The following CLYBL variants were observed in gnomAD, a reference collection of about 807,000 sequenced individuals.
CLYBL encodes citramalyl-CoA lyase, also known as citramalyl-CoA lyase, mitochondrial.
Under a neutral mutation model 38.9 loss-of-function variants are expected in CLYBL, and 31 were observed. The observed-to-expected ratio is 0.80, with a 90% CI of 0.60 to 1.08. The LOEUF (loss-of-function observed/expected upper bound fraction) is 1.08, where lower values mean the gene tolerates loss of function less well. CLYBL is among the 50% of genes least tolerant of loss of function. CLYBL has a pLI of 0.00. For synonymous variants in CLYBL, 171 were observed against 158.6 expected (o/e 1.08, Z -0.59); for missense variants, 434 against 411.6 (o/e 1.05, Z -0.47).
At position 99,628,635 on chromosome 13, in the gene CLYBL, A is replaced by G. The variant is rs150812612; in HGVS notation, c.62+21878A>G. 2.4e-3 allele frequency among the ~76,000 whole-genome samples: 369 copies of G among 152,366 alleles called. 3 individuals are homozygous for G. Among genetic ancestry groups the G allele is most frequent in the African/African-American group, 8.4e-3 (351 of 41,592 alleles). On this transcript the variant is annotated intron_variant, in intron 1 of 8. Coordinates refer to ENST00000339105, the MANE Select transcript of CLYBL (RefSeq NM_206808.5). ...TTTAAGACACTGGAAGGTGTCATTT[A>G]TAAGCATAGAGAGCCTGCAGGAAGG...
At chr13:99,882,633 C>T (rs1188406411) in intron 7 of CLYBL, among the ~76,000 whole-genome samples, 1 of 151,588 alleles carries the variant, frequency 6.6e-6, no homozygotes, top group Non-Finnish European at 1.5e-5. Context: ...CATTGCACTC[C>T]AGCCTGGGAG....
intron 1 of CLYBL, chr13:99,643,038 T>TG (rs1211888233): frequency 6.5e-6 from 1 of 153,820 alleles, no homozygotes; most frequent in Non-Finnish European, 1.5e-5. Flanking sequence ...ACTTTACTCA[T>TG]GGGCTCATAG....
chr13:99,818,577 C>G (rs2050509484), intron 2 of CLYBL, among the ~76,000 whole-genome samples: 1 of 152,104 alleles, frequency 6.6e-6, no homozygotes, highest in African/African-American at 2.4e-5. Context: ...TGGGGTTTCT[C>G]TGTTACAACA....
rs9582349 is a variant in CLYBL at position 99,837,030 on chromosome 13, A to G, written c.250-21831A>G. 6.5e-3 allele frequency among the ~76,000 whole-genome samples: 983 copies of G among 152,148 alleles called. 7 individuals are homozygous for G. The highest frequency in any genetic ancestry group is 0.01 in the Non-Finnish European group (712 of 68,018). ...GTTGTGCACATGTACCCTAAAACTT[A>G]AAGTATAATAATTAAAAAAAAAAGG... On this transcript the variant is annotated intron_variant, in intron 2 of 8. Transcript: ENST00000339105.
At chr13:99,622,425 G>A (rs556344705) in intron 1 of CLYBL, among the ~76,000 whole-genome samples, 2 of 152,294 alleles carry the variant, frequency 1.3e-5, no homozygotes, top group African/African-American at 4.8e-5. Context: ...TAGATATTAA[G>A]ATGTACATTC....
At chr13:99,884,525 C>T (rs1333528617) in intron 7 of CLYBL, among the ~76,000 whole-genome samples, 1 of 152,210 alleles carries the variant, frequency 6.6e-6, no homozygotes, top group Non-Finnish European at 1.5e-5. Context: ...CTCTTCAACT[C>T]CCCTGTGCCT....
chr13:99,705,056 T>C (rs1309371735), intron 1 of CLYBL, among the ~76,000 whole-genome samples: 4 of 152,188 alleles, frequency 2.6e-5, no homozygotes. Flanking sequence ...ATAGAATAAC[T>C]ATGATCCAGC....
At chr13:99,882,664 C>CA (rs111979983) in intron 7 of CLYBL, among the ~76,000 whole-genome samples, 2,244 of 139,060 alleles carry the variant, frequency 0.016, 47 homozygotes, top group African/African-American at 0.054. Context: ...GACCCTGTCT[C>CA]AAAAAAAAAA....
At chr13:99,806,855 C>G (rs1207085706) in intron 2 of CLYBL, among the ~76,000 whole-genome samples, 3 of 152,190 alleles carry the variant, frequency 2.0e-5, no homozygotes, top group African/African-American at 7.2e-5. Context: ...GGAGTTTGTT[C>G]AGGGCAAGGC....
At chr13:99,902,344 A>T (rs990638554) in intron 8 of CLYBL, among the ~76,000 whole-genome samples, 1 of 152,240 alleles carries the variant, frequency 6.6e-6, no homozygotes, top group African/African-American at 2.4e-5. Context: ...TTAAAATATG[A>T]TCAGTCTTTG....
intron 2 of CLYBL, among the ~76,000 whole-genome samples, chr13:99,782,757 AT>A (rs2049686259): frequency 6.6e-6 from 1 of 151,418 alleles, no homozygotes; most frequent in African/African-American, 2.4e-5. Flanking sequence ...TGTTTCCTAT[AT>A]TTGTAGATTC....
At chr13:99,818,519 C>T (rs375422040) in intron 2 of CLYBL, among the ~76,000 whole-genome samples, 1 of 151,252 alleles carries the variant, frequency 6.6e-6, no homozygotes, top group East Asian at 1.9e-4. Context: ...TGATCAGATT[C>T]GACATGAACA....
intron 2 of CLYBL, among the ~76,000 whole-genome samples, chr13:99,813,750 T>C (rs1226654996): frequency 6.6e-6 from 1 of 152,214 alleles, no homozygotes; most frequent in Non-Finnish European, 1.5e-5. Flanking sequence ...CTGACAGTAG[T>C]ACTGTATATA....
chr13:99,609,420 C>T (rs555449253), intron 1 of CLYBL, among the ~76,000 whole-genome samples: 3 of 152,148 alleles, frequency 2.0e-5, no homozygotes, highest in Non-Finnish European at 4.4e-5. Flanking sequence ...CGTGATCCAC[C>T]TGCCTTGGCC....
chr13:99,901,662 GT>G (rs2052646217), downstream of CLYBL, among the ~76,000 whole-genome samples: 100 of 120,608 alleles, frequency 8.3e-4, no homozygotes, highest in African/African-American at 2.9e-3. Flanking sequence ...TTTTTTGTTT[GT>G]TTGTTTGTTT....
At chr13:99,688,708 A>G (rs1834650905) in intron 1 of CLYBL, among the ~76,000 whole-genome samples, 1 of 152,016 alleles carries the variant, frequency 6.6e-6, no homozygotes, top group Non-Finnish European at 1.5e-5. Context: ...CATTCCTTAT[A>G]TCTCTTCCAG....
At chr13:99,901,557 A>G (rs1198453472), downstream of CLYBL, among the ~76,000 whole-genome samples, 1 of 152,012 alleles carries the variant, frequency 6.6e-6, no homozygotes, top group Non-Finnish European at 1.5e-5. Flanking sequence ...CAAAGTAGAA[A>G]TGTCAGTGAG....
At chr13:99,673,513 A>G (rs1310202984) in intron 1 of CLYBL, among the ~76,000 whole-genome samples, 3 of 152,194 alleles carry the variant, frequency 2.0e-5, no homozygotes, top group African/African-American at 7.2e-5. Flanking sequence ...TGAGAAGGTA[A>G]TATCTGAGCA....
chr13:99,781,929 A>G (rs190753409), intron 2 of CLYBL, among the ~76,000 whole-genome samples: 12 of 152,348 alleles, frequency 7.9e-5, no homozygotes, highest in Admixed American at 7.2e-4. Context: ...CAGCTCAAGA[A>G]CCTTGGAAAA....
Sources: gnomAD v4.1 joint callset for allele counts (sites outside exome capture counted in the v4.1 genomes callset) on GRCh38, gnomAD v4.1.1 for gene constraint, MANE v1.5 for transcripts, NCBI Gene and HGNC (gene_info 2026-07-23, HGNC 2026-07-21) for gene names.